KCNIP4: variants seen among roughly 807,000 people sequenced by gnomAD.
KCNIP4 encodes the protein potassium voltage-gated channel interacting protein 4, also known as Kv channel-interacting protein 4.
Under a neutral mutation model 34.0 loss-of-function variants are expected in KCNIP4, and 12 were observed. The observed-to-expected ratio is 0.35, with a 90% CI of 0.23 to 0.57. The LOEUF is 0.57. Among genes scored for constraint, KCNIP4 ranks in the 20% least tolerant of loss-of-function variants. The probability of loss-of-function intolerance (pLI) is 0.83; values close to 1 mark genes in which losing one functional copy is unlikely to be tolerated. For synonymous variants in KCNIP4, 124 were observed against 102.2 expected, an observed-to-expected ratio of 1.21 and a Z score of -1.29; for missense variants, 238 against 311.7, an observed-to-expected ratio of 0.76 and a Z score of 1.78.
At chr4:21,022,913 C>T (rs1334359280) in intron 1 of KCNIP4, among the ~76,000 whole-genome samples, 5 of 151,110 alleles carry the variant, frequency 3.3e-5, no homozygotes, top group Non-Finnish European at 5.9e-5. Flanking sequence ...GCAACCTCCA[C>T]CTCCCAGATT....
At chr4:21,916,378 A>T (rs993560505) in intron 1 of KCNIP4, among the ~76,000 whole-genome samples, 5 of 152,192 alleles carry the variant, frequency 3.3e-5, no homozygotes, top group African/African-American at 1.2e-4. Context: ...TTGTCTGAGG[A>T]AAAGGAAAAA....
chr4:21,889,070 C>A (rs1040787367), intron 1 of KCNIP4, among the ~76,000 whole-genome samples: 2 of 151,960 alleles, frequency 1.3e-5, no homozygotes, highest in Admixed American at 6.6e-5. Flanking sequence ...AGTATTTATA[C>A]GTGAATGAGT....
intron 1 of KCNIP4, among the ~76,000 whole-genome samples, chr4:21,319,028 C>T (rs1341334558): frequency 6.6e-6 from 1 of 152,128 alleles, no homozygotes; most frequent in Non-Finnish European, 1.5e-5. Context: ...AGCAGATGAC[C>T]TATCACGACA....
chr4:21,418,558 A>T (rs1045586914), intron 1 of KCNIP4, among the ~76,000 whole-genome samples: 16 of 152,198 alleles, frequency 1.1e-4, no homozygotes, highest in African/African-American at 3.6e-4. Flanking sequence ...GAGATTATAT[A>T]GGGTGCTTTT....
At chr4:21,833,995 C>A (rs1412439933) in intron 1 of KCNIP4, among the ~76,000 whole-genome samples, 1 of 151,930 alleles carries the variant, frequency 6.6e-6, no homozygotes, top group Non-Finnish European at 1.5e-5. Flanking sequence ...GTTACTGTAG[C>A]CTTGTAGTAT....
intron 1 of KCNIP4, among the ~76,000 whole-genome samples, chr4:21,489,178 G>T (rs1732157788): frequency 6.6e-6 from 1 of 152,052 alleles, no homozygotes; most frequent in Non-Finnish European, 1.5e-5. Context: ...ATCAAGGACT[G>T]TAACTTAGTT....
rs114651354 is a variant in KCNIP4 at position 21,792,630 on chromosome 4, G to C, written c.61+155941C>G. Among the ~76,000 whole-genome samples, 652 of 152,332 alleles carry C rather than the reference G, an allele frequency of 4.3e-3. 3 individuals carry two copies. Among genetic ancestry groups the C allele is most frequent in the African/African-American group, 0.015 (605 of 41,568 alleles). Reference sequence around the variant, plus strand: ...AGGGTGGAGGTCGGAGGAAGTTTAAGGACTTGGTTTCACAGCTGGGCATTT... The same window carrying C: ...AGGGTGGAGGTCGGAGGAAGTTTAACGACTTGGTTTCACAGCTGGGCATTT... On this transcript the variant is annotated intron_variant, in intron 1 of 8. Coordinates refer to ENST00000382152, the MANE Select transcript of KCNIP4 (RefSeq NM_025221.6).
At chr4:21,252,741 C>A (rs1018985392) in intron 1 of KCNIP4, among the ~76,000 whole-genome samples, 5 of 149,132 alleles carry the variant, frequency 3.4e-5, no homozygotes, top group African/African-American at 7.5e-5. Context: ...TCCATCTTTC[C>A]CTTTGGCAAA....
At chr4:21,483,618 T>C (rs2109840213) in intron 1 of KCNIP4, among the ~76,000 whole-genome samples, 1 of 151,794 alleles carries the variant, frequency 6.6e-6, no homozygotes, top group East Asian at 1.9e-4. Context: ...TGAAACCCCA[T>C]CTCTACTAAA....
intron 3 of KCNIP4, chr4:20,766,807 G>A (rs927372189): frequency 1.3e-5 from 2 of 152,088 alleles, no homozygotes; most frequent in African/African-American, 4.8e-5. Flanking sequence ...CTATTTAGAG[G>A]AATCTAGTGC....
intron 1 of KCNIP4, among the ~76,000 whole-genome samples, chr4:21,015,703 T>C (rs954635512): frequency 7.5e-6 from 1 of 133,570 alleles, no homozygotes; most frequent in Non-Finnish European, 1.5e-5. Flanking sequence ...TAATATAATA[T>C]ATTAATTATA....
At chr4:21,855,020 C>T (rs553606956) in intron 1 of KCNIP4, among the ~76,000 whole-genome samples, 1 of 152,250 alleles carries the variant, frequency 6.6e-6, no homozygotes, top group East Asian at 1.9e-4. Context: ...ATCATTTGCC[C>T]CTGCCAACTC....
intron 1 of KCNIP4, among the ~76,000 whole-genome samples, chr4:20,924,214 G>C (rs1020086973): frequency 6.6e-6 from 1 of 152,190 alleles, no homozygotes; most frequent in African/African-American, 2.4e-5. Flanking sequence ...TTGAGAGCAT[G>C]AAACAGTCCA....
intron 1 of KCNIP4, among the ~76,000 whole-genome samples, chr4:21,252,524 T>C (rs1284949480): frequency 1.3e-5 from 2 of 152,058 alleles, no homozygotes; most frequent in Non-Finnish European, 2.9e-5. Context: ...GATGAGAAAG[T>C]GAACCATTCC....
chr4:21,466,878 T>A (rs1729992865), intron 1 of KCNIP4, among the ~76,000 whole-genome samples: 2 of 152,056 alleles, frequency 1.3e-5, no homozygotes, highest in South Asian at 4.2e-4. Flanking sequence ...AGCAAATCTA[T>A]CTAATCCTGG....
chr4:21,893,476 G>A (rs962139568), intron 1 of KCNIP4, among the ~76,000 whole-genome samples: 2 of 152,134 alleles, frequency 1.3e-5, no homozygotes, highest in African/African-American at 4.8e-5. Flanking sequence ...TCCCATCAAT[G>A]AGTAAAATGT....
intron 1 of KCNIP4, among the ~76,000 whole-genome samples, chr4:21,600,204 A>G (rs1283846986): frequency 6.6e-6 from 1 of 152,134 alleles, no homozygotes; most frequent in East Asian, 1.9e-4. Flanking sequence ...TTTCATGCTG[A>G]GCCAAAATGT....
At chr4:21,697,524 A>T in intron 1 of KCNIP4, 1 of 1,465,464 alleles carries the variant, frequency 6.8e-7, no homozygotes, top group Non-Finnish European at 8.9e-7. Flanking sequence ...GTCTCTGAGG[A>T]GAAACTTCTG....
At chr4:21,717,604 G>A (rs562337943) in intron 1 of KCNIP4, among the ~76,000 whole-genome samples, 3 of 152,078 alleles carry the variant, frequency 2.0e-5, no homozygotes, top group Non-Finnish European at 2.9e-5. Context: ...TGGTAGCCTA[G>A]GACTGGAGCA....
Sources: allele counts gnomAD v4.1 joint callset (sites outside exome capture counted in the v4.1 genomes callset), GRCh38; gene constraint gnomAD v4.1.1; transcripts MANE v1.5; gene names NCBI Gene and HGNC (gene_info 2026-07-23, HGNC 2026-07-21).